Variants in KLC1 observed in about 807,000 individuals in gnomAD.
KLC1 encodes kinesin light chain 1.
In KLC1, 30 loss-of-function variants were observed where a neutral mutation model predicts 84.2. The observed-to-expected ratio is 0.36, with a 90% CI of 0.27 to 0.48. The LOEUF is 0.48. Ranked by LOEUF, KLC1 falls within the 20% of genes least tolerant of loss-of-function variation. The pLI is 0.99. For synonymous variants in KLC1, 289 were observed against 293.3 expected, an observed-to-expected ratio of 0.99 and a Z score of 0.15; for missense variants, 499 against 805.4, an observed-to-expected ratio of 0.62 and a Z score of 4.60.
At chr14:103,634,369 A>G (rs1175793979) in intron 1 of KLC1, among the ~76,000 whole-genome samples, 1 of 152,138 alleles carries the variant, frequency 6.6e-6, no homozygotes, top group Non-Finnish European at 1.5e-5. Context: ...CTGGCTGGTG[A>G]CACTCATCCA....
intron 5 of KLC1, among the ~76,000 whole-genome samples, chr14:103,667,025 C>T (rs943844532): frequency 6.6e-6 from 1 of 151,992 alleles, no homozygotes; most frequent in East Asian, 1.9e-4. Context: ...GTGACCCACC[C>T]GCCTTAGCCT....
At chr14:103,635,359 A>G (rs998848352) in intron 1 of KLC1, among the ~76,000 whole-genome samples, 1 of 152,148 alleles carries the variant, frequency 6.6e-6, no homozygotes, top group African/African-American at 2.4e-5. Flanking sequence ...CGGATGTCAT[A>G]TGTGTCTGTA....
intron 1 of KLC1, among the ~76,000 whole-genome samples, chr14:103,637,931 T>TCTG (rs2077174145): frequency 6.6e-6 from 1 of 152,156 alleles, no homozygotes; most frequent in Admixed American, 6.6e-5. Context: ...GCTCAAATGA[T>TCTG]CTGCTCTCCT....
At chr14:103,652,409 A>G (rs576093470) in intron 1 of KLC1, among the ~76,000 whole-genome samples, 1 of 152,350 alleles carries the variant, frequency 6.6e-6, no homozygotes, top group Admixed American at 6.5e-5. Flanking sequence ...CTGGCACACC[A>G]TGGATTTGCT....
chr14:103,635,569 C>T (rs1447168295), intron 1 of KLC1, among the ~76,000 whole-genome samples: 1 of 152,120 alleles, frequency 6.6e-6, no homozygotes, highest in Non-Finnish European at 1.5e-5. Context: ...GCCTGGCCAA[C>T]ATGGGTGAAA....
At position 103,679,553 on chromosome 14, in the gene KLC1, C is replaced by T. The variant is rs1202117765; in HGVS notation, c.1650+8C>T. 3.1e-6 allele frequency: 5 copies of T among 1,605,652 alleles called. No individual in the cohort carries two copies. The highest frequency in any genetic ancestry group is 3.4e-6 in the Non-Finnish European group (4 of 1,173,138). ...AGCGTAGAGTGGAACGGGGTAAGTA[C>T]AGTACACAGCGGGCACGTGCTCCGG... is the stretch of plus-strand genomic sequence containing the variant. On this transcript the variant is annotated splice_region_variant and intron_variant, in intron 13 of 16. Coordinates refer to ENST00000334553, the MANE Select transcript of KLC1 (RefSeq NM_001394837.1).
chr14:103,642,339 T>A (rs2077557179), intron 1 of KLC1, among the ~76,000 whole-genome samples: 1 of 152,192 alleles, frequency 6.6e-6, no homozygotes, highest in African/African-American at 2.4e-5. Context: ...CATTAGAATT[T>A]TAACATGTGA....
chr14:103,692,573 C>T, intron 15 of KLC1, 148 bp downstream of exon 15: 4 of 602,792 alleles, frequency 6.6e-6, no homozygotes, highest in Non-Finnish European at 1.2e-5. Flanking sequence ...ACAGTTGTGA[C>T]AGTAGTATTT....
chr14:103,693,661 GC>G lies in KLC1; in HGVS notation c.1848+1240del. 1 of 1,529,836 alleles carries G rather than the reference GC, an allele frequency of 6.5e-7. No individual in the cohort carries two copies. The highest frequency in any genetic ancestry group is 8.7e-7 in the Non-Finnish European group (1 of 1,143,514). 94.8% of individuals were successfully genotyped at this position (1,529,836 alleles called of 1,614,324 possible). ...TAACCTGTCTTGGGAGTGTGAGACC[GC>G]CCCGCCCTGCCACGCCCCTCACCGC... On this transcript the variant is annotated intron_variant, in intron 15 of 16. Transcript: ENST00000334553. This position sits in a 1 kb window ranked among gnomAD's most constrained non-coding sequence, Gnocchi z 5.1.
At position 103,693,494 on chromosome 14, in the gene KLC1, AG is replaced by A. The variant is rs1191113984; in HGVS notation, c.1848+1070del. 3.3e-6 allele frequency: 5 copies of A among 1,534,438 alleles called. No homozygotes were observed. The African/African-American group carries it at 6.8e-5, about 21-fold the overall frequency. On this transcript the variant is annotated intron_variant, in intron 15 of 16. Transcript: ENST00000334553. This position sits in a 1 kb window ranked among gnomAD's most constrained non-coding sequence, Gnocchi z 5.1. ...TACTGTTAGGCCTGAGGCCATTTGA[AG>A]CTGGCATCATTTGAAGTCCTGGTTA...
At chr14:103,659,519 G>C (rs2079112884) in intron 3 of KLC1, among the ~76,000 whole-genome samples, 1 of 152,120 alleles carries the variant, frequency 6.6e-6, no homozygotes, top group Admixed American at 6.6e-5. Context: ...ACACAGACTT[G>C]GTTGGATGTC....
At chr14:103,700,185 G>C in intron 15 of KLC1, 1 of 197,782 alleles carries the variant, frequency 5.1e-6, no homozygotes. Context: ...TGTAGGTTGA[G>C]ACACCCTCAA....
At chr14:103,687,877 G>C (rs1334815142) in intron 14 of KLC1, 1 of 152,206 alleles carries the variant, frequency 6.6e-6, no homozygotes, top group East Asian at 1.9e-4. Context: ...CCCTGCCGCA[G>C]TGTCCAGGGT....
intron 1 of KLC1, among the ~76,000 whole-genome samples, chr14:103,648,638 AAAAG>A (rs1328765273): frequency 2.6e-5 from 4 of 151,666 alleles, no homozygotes; most frequent in Non-Finnish European, 5.9e-5. Context: ...AAGAAAATAA[AAAAG>A]AAAGAAAAAT....
intron 12 of KLC1, among the ~76,000 whole-genome samples, chr14:103,678,747 T>C (rs1428045518): frequency 2.0e-5 from 3 of 150,582 alleles, no homozygotes; most frequent in South Asian, 2.1e-4. Flanking sequence ...GGGGAAGATA[T>C]TTGCAAATGA....
intron 15 of KLC1, chr14:103,699,370 G>A: frequency 1.9e-6 from 3 of 1,606,430 alleles, no homozygotes; most frequent in Non-Finnish European, 2.5e-6. Flanking sequence ...TCACCTGGTT[G>A]ATGCACAGCA....
rs79187666 is a variant in KLC1, at chr14:103,649,698, GT to G, written c.-1-4852del. On this transcript the variant is annotated intron_variant, in intron 1 of 16. Transcript: ENST00000334553. The stretch of plus-strand genomic sequence containing the variant: ...TGACCCTAAAAAGGGCTTCTTATGT[GT>G]TTTTTTTTTTTTTCGAGACGGAGTC... Among the ~76,000 whole-genome samples, 580 of 140,190 alleles carry G rather than the reference GT, an allele frequency of 4.1e-3. 3 individuals carry two copies. Among genetic ancestry groups the G allele is most frequent in the Non-Finnish European group, 4.1e-3 (262 of 64,002 alleles). 92.0% of individuals were successfully genotyped at this position (140,190 alleles called of 152,430 possible).
intron 14 of KLC1, among the ~76,000 whole-genome samples, chr14:103,689,478 G>A (rs1037158728): frequency 1.1e-4 from 17 of 152,164 alleles, no homozygotes; most frequent in African/African-American, 2.9e-4. Context: ...ATTGCATCCC[G>A]TAAAATGCAT....
chr14:103,686,351 A>C, intron 13 of KLC1: 1 of 341,872 alleles, frequency 2.9e-6, no homozygotes, highest in Non-Finnish European at 4.1e-6. Context: ...TTCCAAGAAG[A>C]AATGCTGCTG....
Sources: allele counts gnomAD v4.1 joint callset (sites outside exome capture counted in the v4.1 genomes callset), GRCh38; gene constraint gnomAD v4.1.1; non-coding constraint Gnocchi (gnomAD v3.1); transcripts MANE v1.5; gene names NCBI Gene and HGNC (gene_info 2026-07-23, HGNC 2026-07-21).